Variants in CFAP54 observed in about 807,000 individuals in gnomAD.
The protein encoded by CFAP54 is cilia- and flagella-associated protein 54.
In CFAP54, 290 loss-of-function variants were observed where a neutral mutation model predicts 370.4. That is an observed-to-expected ratio of 0.78 (90% CI 0.71 to 0.86). CFAP54 has a LOEUF of 0.86. CFAP54 is among the 40% of genes least tolerant of loss of function. The pLI, the probability that CFAP54 is intolerant of heterozygous loss-of-function variation, is 0.00. For synonymous variants in CFAP54, 1,206 were observed against 1,236.5 expected (o/e 0.98, Z 0.52); for missense variants, 3,399 against 3,528.7 (o/e 0.96, Z 0.93).
chr12:96,684,935 A>G (rs1040216898), intron 41 of CFAP54, 94 bp from the exon 42 acceptor site: 8 of 1,169,768 alleles, frequency 6.8e-6, no homozygotes, highest in Non-Finnish European at 1.0e-5. Flanking sequence ...ATGTTAATTG[A>G]CGTTGCTTCG....
intron 43 of CFAP54, 38 bp from the exon 44 acceptor site, chr12:96,691,090 T>A: frequency 6.3e-7 from 1 of 1,575,002 alleles, no homozygotes; most frequent in Non-Finnish European, 8.7e-7. Context: ...GAAAATGCTA[T>A]CTATAGCTCT....
chr12:96,673,831 T>G (rs990818823), intron 39 of CFAP54, among the ~76,000 whole-genome samples: 1 of 152,226 alleles, frequency 6.6e-6, no homozygotes, highest in East Asian at 1.9e-4. Flanking sequence ...ATTGCAATGC[T>G]CCAGTGCCTA....
chr12:96,860,722 A>T, intron 66 of CFAP54, 97 bp from the exon 67 acceptor site: 4 of 1,232,844 alleles, frequency 3.2e-6, no homozygotes, highest in African/African-American at 1.5e-5. Flanking sequence ...GCTATCTTTC[A>T]TATAAAATTA....
intron 64 of CFAP54, among the ~76,000 whole-genome samples, chr12:96,816,172 A>T (rs1391846623): frequency 6.6e-6 from 1 of 152,076 alleles, no homozygotes; most frequent in African/African-American, 2.4e-5. Flanking sequence ...CATTTTCACG[A>T]TATTGATTCT....
chr12:96,847,568 A>G (rs1317607062), intron 66 of CFAP54, among the ~76,000 whole-genome samples: 1 of 152,174 alleles, frequency 6.6e-6, no homozygotes, highest in African/African-American at 2.4e-5. Flanking sequence ...TTTATTTTTT[A>G]TTGTACCACA....
intron 20 of CFAP54, 112 bp downstream of exon 20, chr12:96,576,873 C>A: frequency 2.4e-6 from 2 of 826,664 alleles, no homozygotes; most frequent in Non-Finnish European, 3.6e-6. Context: ...TATTCATAAG[C>A]ACTGAACACT....
intron 17 of CFAP54, among the ~76,000 whole-genome samples, chr12:96,561,702 A>G (rs1405248346): frequency 1.9e-5 from 2 of 104,610 alleles, no homozygotes; most frequent in Admixed American, 1.2e-4. Context: ...AGAGCTAAGA[A>G]ATACACACAC....
At chr12:96,535,970 A>T (rs1002621565) in intron 12 of CFAP54, among the ~76,000 whole-genome samples, 1 of 152,234 alleles carries the variant, frequency 6.6e-6, no homozygotes, top group African/African-American at 2.4e-5. Context: ...AAAATGACCT[A>T]TAAGAGGGTA....
chr12:96,696,630 A>ATAAT (rs1957442289), intron 45 of CFAP54, among the ~76,000 whole-genome samples: 1 of 152,114 alleles, frequency 6.6e-6, no homozygotes. Context: ...ATTATTTTCT[A>ATAAT]TAATTAATTA....
intron 48 of CFAP54, among the ~76,000 whole-genome samples, chr12:96,709,628 G>T (rs1318252776): frequency 1.3e-5 from 2 of 151,756 alleles, no homozygotes; most frequent in African/African-American, 4.8e-5. Flanking sequence ...TATTGATATG[G>T]TATGTTACAT....
intron 67 of CFAP54, among the ~76,000 whole-genome samples, chr12:96,862,679 G>C (rs1959907205): frequency 6.6e-6 from 1 of 152,174 alleles, no homozygotes; most frequent in South Asian, 2.1e-4. Context: ...TGAATTCAAA[G>C]GGAAAAATTG....
At chr12:96,808,230 G>T (rs1958900576) in intron 63 of CFAP54, among the ~76,000 whole-genome samples, 1 of 152,046 alleles carries the variant, frequency 6.6e-6, no homozygotes, top group Non-Finnish European at 1.5e-5. Context: ...CTTCTTCAGA[G>T]ACATGCTCTG....
chr12:96,746,623 G>C (rs908140749), intron 55 of CFAP54, among the ~76,000 whole-genome samples: 1 of 152,112 alleles, frequency 6.6e-6, no homozygotes, highest in Admixed American at 6.5e-5. Flanking sequence ...TATCCTTTAA[G>C]TAAATGATCT....
At chr12:96,822,982 A>C (rs1959049409) in intron 65 of CFAP54, among the ~76,000 whole-genome samples, 1 of 152,054 alleles carries the variant, frequency 6.6e-6, no homozygotes, top group Non-Finnish European at 1.5e-5. Flanking sequence ...CAGTTTTCCT[A>C]TTTCCCCATT....
At chr12:96,739,558 C>T (rs1433679416) in intron 50 of CFAP54, among the ~76,000 whole-genome samples, 1 of 152,102 alleles carries the variant, frequency 6.6e-6, no homozygotes, top group Non-Finnish European at 1.5e-5. Context: ...TTCTGATGTA[C>T]ATAAAGTACA....
chr12:96,756,644 T>C, intron 57 of CFAP54, 81 bp downstream of exon 57: 1 of 895,492 alleles, frequency 1.1e-6, no homozygotes, highest in East Asian at 2.6e-5. Context: ...CACTCAAGGC[T>C]GGATTGCTTG....
At position 96,551,819 on chromosome 12, in the gene CFAP54, A is replaced by G. The variant is rs80322451; in HGVS notation, c.2155-2363A>G. On this transcript the variant is annotated intron_variant, in intron 15 of 67. Coordinates refer to ENST00000524981, the MANE Select transcript of CFAP54 (RefSeq NM_001306084.2). ...GTAAATGCTATACCTATGGTAAAAG[A>G]TTAAAAGCAGCCCTTTAATAGTGGT... 1.1e-3 allele frequency among the ~76,000 whole-genome samples: 165 copies of G among 152,344 alleles called. 2 individuals carry two copies. In the East Asian group the frequency reaches 0.029, roughly 27 times the overall value.
chr12:96,748,861 G>A (rs1186770600), intron 55 of CFAP54, among the ~76,000 whole-genome samples: 1 of 152,118 alleles, frequency 6.6e-6, no homozygotes, highest in Non-Finnish European at 1.5e-5. Flanking sequence ...AAATCAGTGA[G>A]CACTTTCAAT....
intron 55 of CFAP54, among the ~76,000 whole-genome samples, chr12:96,745,944 G>A (rs1958109917): frequency 6.6e-6 from 1 of 152,148 alleles, no homozygotes; most frequent in South Asian, 2.1e-4. Flanking sequence ...CCAGGTGGAT[G>A]GTATAGTTTC....
Sources: allele counts gnomAD v4.1 joint callset (sites outside exome capture counted in the v4.1 genomes callset), GRCh38; gene constraint gnomAD v4.1.1; transcripts MANE v1.5; gene names NCBI Gene and HGNC (gene_info 2026-07-23, HGNC 2026-07-21).